SYN3: variants seen among roughly 807,000 people sequenced by gnomAD.
SYN3 encodes the protein synapsin-3.
Under a neutral mutation model 65.8 loss-of-function variants are expected in SYN3, and 35 were observed. The observed-to-expected ratio is 0.53, with a 90% CI of 0.41 to 0.70. The LOEUF is 0.70. SYN3 is among the 30% of genes least tolerant of loss of function. The pLI is 0.00. For synonymous variants in SYN3, 270 were observed against 292.9 expected (o/e 0.92, Z 0.80); for missense variants, 680 against 749.0 (o/e 0.91, Z 1.08).
intron 4 of SYN3, among the ~76,000 whole-genome samples, chr22:32,904,629 C>G (rs1030371589): frequency 6.6e-6 from 1 of 151,954 alleles, no homozygotes; most frequent in African/African-American, 2.4e-5. Flanking sequence ...GTTTTTTCGA[C>G]CATCTTCCAA....
At chr22:32,922,009 C>T (rs984671436) in intron 4 of SYN3, among the ~76,000 whole-genome samples, 4 of 152,160 alleles carry the variant, frequency 2.6e-5, no homozygotes, top group East Asian at 1.9e-4. Flanking sequence ...TTCATGAGTT[C>T]GTAACAACTA....
rs574942820 is a variant in SYN3, at chr22:32,569,189, G to T, written c.775-27476C>A. Among the ~76,000 whole-genome samples, 4 of 152,220 alleles carry T rather than the reference G, an allele frequency of 2.6e-5. No homozygotes were observed. The South Asian group carries it at 8.3e-4, about 32-fold the overall frequency. ...ATGATAATATTTATACTCACCCTCA[G>T]AGAGTTGGGAGGATTAGAAATTCTA... is the stretch of plus-strand genomic sequence containing the variant. On this transcript the variant is annotated intron_variant, in intron 7 of 13. Coordinates refer to ENST00000358763, the MANE Select transcript of SYN3 (RefSeq NM_003490.4).
At chr22:32,573,010 T>G (rs1303752683) in intron 7 of SYN3, among the ~76,000 whole-genome samples, 1 of 152,224 alleles carries the variant, frequency 6.6e-6, no homozygotes, top group Non-Finnish European at 1.5e-5. Flanking sequence ...GAGGTGATTG[T>G]TAAATATTTA....
chr22:32,576,449 C>T (rs1049198617), intron 7 of SYN3, among the ~76,000 whole-genome samples: 2 of 152,168 alleles, frequency 1.3e-5, no homozygotes, highest in Non-Finnish European at 2.9e-5. Context: ...ACATGAACTA[C>T]GAAGCACAGG....
chr22:32,523,433 A>G (rs1392156361), intron 12 of SYN3, among the ~76,000 whole-genome samples: 1 of 152,194 alleles, frequency 6.6e-6, no homozygotes, highest in Non-Finnish European at 1.5e-5. Context: ...GAATCGCTTG[A>G]GCCCAGGAGG....
At chr22:32,694,911 T>C (rs987659177) in intron 6 of SYN3, among the ~76,000 whole-genome samples, 5 of 152,242 alleles carry the variant, frequency 3.3e-5, no homozygotes, top group African/African-American at 1.2e-4. Flanking sequence ...GGCTTTTAAA[T>C]TTGAAATGTG....
At chr22:32,909,940 C>T (rs2050009134) in intron 4 of SYN3, among the ~76,000 whole-genome samples, 1 of 152,120 alleles carries the variant, frequency 6.6e-6, no homozygotes, top group African/African-American at 2.4e-5. Context: ...AAGCGGTGTG[C>T]TCGGAGACTG....
intron 1 of SYN3, among the ~76,000 whole-genome samples, chr22:33,038,249 G>A (rs1231116652): frequency 6.6e-6 from 1 of 152,210 alleles, no homozygotes; most frequent in East Asian, 1.9e-4. Context: ...TAGGCAGAGG[G>A]AAGCAGAGCC....
At chr22:32,569,305 C>G (rs1204381647) in intron 7 of SYN3, among the ~76,000 whole-genome samples, 4 of 83,294 alleles carry the variant, frequency 4.8e-5, no homozygotes, top group Non-Finnish European at 7.5e-5. Context: ...CTATCTACAC[C>G]TATCTATATA....
At chr22:32,613,598 G>C (rs1460031401) in intron 6 of SYN3, among the ~76,000 whole-genome samples, 1 of 152,140 alleles carries the variant, frequency 6.6e-6, no homozygotes, top group African/African-American at 2.4e-5. Context: ...TTTGTTCATT[G>C]GTTGCCCAAC....
intron 6 of SYN3, among the ~76,000 whole-genome samples, chr22:32,620,331 C>T (rs2059576773): frequency 6.6e-6 from 1 of 152,046 alleles, no homozygotes; most frequent in Non-Finnish European, 1.5e-5. Flanking sequence ...TTTTTTAATA[C>T]ATATATGAAT....
intron 6 of SYN3, among the ~76,000 whole-genome samples, chr22:32,721,075 T>C (rs1287631165): frequency 6.6e-6 from 1 of 152,230 alleles, no homozygotes; most frequent in Non-Finnish European, 1.5e-5. Context: ...TCATTAGCTG[T>C]ACTTTTGCTG....
At chr22:32,929,452 G>T (rs2050568800) in intron 4 of SYN3, among the ~76,000 whole-genome samples, 2 of 151,888 alleles carry the variant, frequency 1.3e-5, no homozygotes, top group African/African-American at 2.4e-5. Context: ...ATTGTCTATT[G>T]TTCCTGTTTC....
chr22:32,909,036 G>T (rs1352656583), intron 4 of SYN3, among the ~76,000 whole-genome samples: 2 of 152,184 alleles, frequency 1.3e-5, no homozygotes, highest in Non-Finnish European at 2.9e-5. Context: ...ATACACTGAG[G>T]TTCGCTCATT....
At chr22:32,814,895 C>A (rs189811674) in intron 6 of SYN3, among the ~76,000 whole-genome samples, 1 of 151,780 alleles carries the variant, frequency 6.6e-6, no homozygotes, top group Non-Finnish European at 1.5e-5. Context: ...TTTAAAAAAA[C>A]GAGGAAAAAG....
At chr22:32,806,198 G>A (rs550911286) in intron 6 of SYN3, among the ~76,000 whole-genome samples, 7 of 152,194 alleles carry the variant, frequency 4.6e-5, no homozygotes, top group Non-Finnish European at 8.8e-5. Context: ...GGAAAGCCAG[G>A]GGGAGTCAGG....
At chr22:32,656,803 C>T (rs940258206) in intron 6 of SYN3, among the ~76,000 whole-genome samples, 7 of 152,122 alleles carry the variant, frequency 4.6e-5, no homozygotes, top group East Asian at 1.9e-4. Context: ...AGGAGGAAGA[C>T]GGGATGTAGG....
At chr22:32,687,253 C>T (rs1379239116) in intron 6 of SYN3, among the ~76,000 whole-genome samples, 1 of 152,088 alleles carries the variant, frequency 6.6e-6, no homozygotes, top group Admixed American at 6.5e-5. Context: ...ATCTCTGTCT[C>T]CTAGGTTCAA....
chr22:32,975,022 T>C (rs1219532526), intron 3 of SYN3, among the ~76,000 whole-genome samples: 2 of 152,176 alleles, frequency 1.3e-5, no homozygotes, highest in South Asian at 4.1e-4. Context: ...CCCACACATA[T>C]TAAGCTGTGC....
Sources: gnomAD v4.1 joint callset for allele counts (sites outside exome capture counted in the v4.1 genomes callset) on GRCh38, gnomAD v4.1.1 for gene constraint, MANE v1.5 for transcripts, NCBI Gene and HGNC (gene_info 2026-07-23, HGNC 2026-07-21) for gene names.